ERC2: variants seen among roughly 807,000 people sequenced by gnomAD.
ERC2 encodes ERC protein 2.
Under a neutral mutation model 114.8 loss-of-function variants are expected in ERC2, and 42 were observed. The observed-to-expected ratio is 0.37, with a 90% CI of 0.29 to 0.47. The LOEUF (loss-of-function observed/expected upper bound fraction) is 0.47, where lower values mean the gene tolerates loss of function less well. Among genes scored for constraint, ERC2 ranks in the 20% least tolerant of loss-of-function variants. The pLI, the probability that ERC2 is intolerant of heterozygous loss-of-function variation, is 0.99. For synonymous variants in ERC2, 454 were observed against 425.5 expected (o/e 1.07, Z -0.82); for missense variants, 939 against 1,150.7 (o/e 0.82, Z 2.66).
intron 13 of ERC2, among the ~76,000 whole-genome samples, chr3:55,895,461 T>C (rs757721133): frequency 6.6e-5 from 10 of 152,176 alleles, no homozygotes; most frequent in African/African-American, 1.2e-4. Flanking sequence ...AAATAATGCA[T>C]GGAAAGTACC....
At chr3:56,071,261 A>T (rs1230198671) in intron 7 of ERC2, among the ~76,000 whole-genome samples, 1 of 152,212 alleles carries the variant, frequency 6.6e-6, no homozygotes, top group African/African-American at 2.4e-5. Flanking sequence ...AAGGCCTCAT[A>T]TGCCATAGGG....
intron 9 of ERC2, among the ~76,000 whole-genome samples, chr3:56,008,782 A>G (rs2072695523): frequency 6.6e-6 from 1 of 152,212 alleles, no homozygotes; most frequent in Non-Finnish European, 1.5e-5. Flanking sequence ...TGAAAGGCCT[A>G]TGAGCAGAAT....
chr3:56,405,880 T>G (rs936816634), intron 2 of ERC2, among the ~76,000 whole-genome samples: 3 of 139,898 alleles, frequency 2.1e-5, no homozygotes, highest in African/African-American at 8.3e-5. Context: ...GATATGAACT[T>G]TTTTTTCTTT....
At chr3:55,828,881 A>G (rs4246673) in intron 14 of ERC2, among the ~76,000 whole-genome samples, 52,783 of 152,098 alleles carry the variant, frequency 0.35, 11,170 homozygotes, top group African/African-American at 0.59. Flanking sequence ...GCTCATGCCT[A>G]TAATCCCAGC....
intron 13 of ERC2, among the ~76,000 whole-genome samples, chr3:55,934,909 T>C (rs2066340847): frequency 6.6e-6 from 1 of 152,142 alleles, no homozygotes; most frequent in Non-Finnish European, 1.5e-5. Flanking sequence ...AATAAAAAAA[T>C]CATGCGGTCT....
chr3:55,930,950 C>A (rs187876823), intron 13 of ERC2, among the ~76,000 whole-genome samples: 1 of 152,254 alleles, frequency 6.6e-6, no homozygotes, highest in Admixed American at 6.5e-5. Flanking sequence ...AGGATATGAA[C>A]AGACACTTCT....
intron 17 of ERC2, among the ~76,000 whole-genome samples, chr3:55,521,522 G>A (rs143985618): frequency 3.9e-4 from 60 of 152,350 alleles, no homozygotes; most frequent in Admixed American, 1.2e-3. Context: ...TTTTCCAGGT[G>A]AGTAGCTCAT....
chr3:55,905,333 A>G (rs1312321383), intron 13 of ERC2, among the ~76,000 whole-genome samples: 4 of 152,192 alleles, frequency 2.6e-5, no homozygotes, highest in African/African-American at 7.2e-5. Flanking sequence ...CACCTGCCTC[A>G]GCCTCCCAAA....
At chr3:55,880,578 G>C (rs950820699) in intron 14 of ERC2, among the ~76,000 whole-genome samples, 1 of 152,060 alleles carries the variant, frequency 6.6e-6, no homozygotes, top group African/African-American at 2.4e-5. Flanking sequence ...TACCTGTCCT[G>C]ACTCACTACA....
At chr3:56,209,245 C>T (rs1309146791) in intron 3 of ERC2, among the ~76,000 whole-genome samples, 1 of 152,142 alleles carries the variant, frequency 6.6e-6, no homozygotes, top group Non-Finnish European at 1.5e-5. Flanking sequence ...TGCACCCCTG[C>T]TCCACCTCCC....
At chr3:55,848,114 G>GA (rs969929073) in intron 14 of ERC2, among the ~76,000 whole-genome samples, 40 of 151,146 alleles carry the variant, frequency 2.6e-4, no homozygotes, top group African/African-American at 8.5e-4. Flanking sequence ...TTATCACTTT[G>GA]AAAAAAAACA....
intron 3 of ERC2, among the ~76,000 whole-genome samples, chr3:56,211,821 T>A (rs1198070914): frequency 6.6e-6 from 1 of 152,098 alleles, no homozygotes; most frequent in African/African-American, 2.4e-5. Flanking sequence ...AACTGAACTT[T>A]AACAAACCAA....
intron 7 of ERC2, among the ~76,000 whole-genome samples, chr3:56,058,261 C>G (rs541796915): frequency 6.6e-6 from 1 of 152,296 alleles, no homozygotes; most frequent in Non-Finnish European, 1.5e-5. Flanking sequence ...TGCAAGTGGT[C>G]TCTGTAACTG....
At position 55,792,956 on chromosome 3, in the gene ERC2, C is replaced by T. The variant is rs145038684; in HGVS notation, c.2565-58038G>A. On this transcript the variant is annotated intron_variant, in intron 14 of 17. Coordinates refer to ENST00000288221, the MANE Select transcript of ERC2 (RefSeq NM_015576.3). ...CAGAAATTATTGTGTTTCCTGACAA[C>T]GGGTGAACCATGCCTGGTGATGCTA... Among the ~76,000 whole-genome samples the T allele has an allele frequency of 5.0e-4, 76 of 152,336 alleles. 1 individual carries two copies. The highest frequency in any genetic ancestry group is 9.6e-4 in the East Asian group (5 of 5,184).
At chr3:55,837,779 G>A (rs2060963408) in intron 14 of ERC2, among the ~76,000 whole-genome samples, 1 of 151,418 alleles carries the variant, frequency 6.6e-6, no homozygotes, top group Non-Finnish European at 1.5e-5. Context: ...ACCCGCCAGA[G>A]TAAATTAAAA....
chr3:56,150,932 A>ATC (rs1189824996), intron 4 of ERC2, among the ~76,000 whole-genome samples: 1 of 152,210 alleles, frequency 6.6e-6, no homozygotes, highest in East Asian at 1.9e-4. Flanking sequence ...TAGAGCCCTT[A>ATC]TAAGAAGAGA....
At chr3:56,459,809 A>G (rs2063229352) in intron 1 of ERC2, among the ~76,000 whole-genome samples, 1 of 152,130 alleles carries the variant, frequency 6.6e-6, no homozygotes, top group Non-Finnish European at 1.5e-5. Flanking sequence ...TCTTCCATGC[A>G]CACGCACTCT....
chr3:56,068,541 T>C (rs936348561), intron 7 of ERC2, among the ~76,000 whole-genome samples: 3 of 152,204 alleles, frequency 2.0e-5, no homozygotes, highest in Admixed American at 6.5e-5. Flanking sequence ...TGTCTCTATC[T>C]CCATCAGTTC....
intron 13 of ERC2, among the ~76,000 whole-genome samples, chr3:55,906,431 CAAAAAAAAA>C (rs368262866): frequency 1.5e-5 from 1 of 67,968 alleles, no homozygotes; most frequent in Admixed American, 1.6e-4. Context: ...GACTCTGTCT[CAAAAAAAAA>C]AAAAAAAAAA....
Sources: gnomAD v4.1 joint callset for allele counts (sites outside exome capture counted in the v4.1 genomes callset) on GRCh38, gnomAD v4.1.1 for gene constraint, MANE v1.5 for transcripts, NCBI Gene and HGNC (gene_info 2026-07-23, HGNC 2026-07-21) for gene names.